ABITRAM: variants seen among roughly 807,000 people sequenced by gnomAD.
ABITRAM encodes the protein protein Abitram.
In ABITRAM, 19 loss-of-function variants were observed where a neutral mutation model predicts 22.9. That is an observed-to-expected ratio of 0.83 (90% CI 0.58 to 1.22). The LOEUF (loss-of-function observed/expected upper bound fraction) is 1.22, where lower values mean the gene tolerates loss of function less well. Ranked by LOEUF, ABITRAM falls within the 50% of genes most tolerant of loss-of-function variation. ABITRAM has a pLI of 0.00. For synonymous variants in ABITRAM, 70 were observed against 73.9 expected (o/e 0.95, Z 0.27); for missense variants, 215 against 220.2 (o/e 0.98, Z 0.15).
intron 3 of ABITRAM, chr9:108,948,055 G>A: frequency 2.9e-6 from 3 of 1,043,462 alleles, no homozygotes; most frequent in East Asian, 5.6e-5. Flanking sequence ...CTTTTCTACT[G>A]CTCTCTGTAA....
chr9:108,948,333 C>G, intron 3 of ABITRAM: 3 of 1,158,442 alleles, frequency 2.6e-6, no homozygotes, highest in Non-Finnish European at 3.6e-6. Flanking sequence ...ATTAACAAAT[C>G]CTAAATTTTG....
intron 3 of ABITRAM, chr9:108,948,159 C>T (rs1587941890): frequency 6.2e-7 from 1 of 1,608,334 alleles, no homozygotes; most frequent in South Asian, 1.1e-5. Context: ...AATTAAAGTA[C>T]TAGCATAAAA....
chr9:108,943,186 GCTGA>G, downstream of ABITRAM: 1 of 764,084 alleles, frequency 1.3e-6, no homozygotes, highest in Non-Finnish European at 2.1e-6. Flanking sequence ...AGGCACATGA[GCTGA>G]CTCAAAGCCC....
chr9:108,939,511 TC>T (rs759021806), intron 5 of ABITRAM, 37 bp from the exon 6 acceptor site: 1 of 1,604,920 alleles, frequency 6.2e-7, no homozygotes, highest in East Asian at 2.2e-5. Flanking sequence ...GGTTTTTTTT[TC>T]ATCGTTTGAC....
At chr9:108,939,311 G>A (rs1830228213) in intron 4 of ABITRAM, 39 bp downstream of exon 4, 2 of 1,594,046 alleles carry the variant, frequency 1.3e-6, no homozygotes, top group Non-Finnish European at 1.7e-6. Context: ...AGACCAAAGG[G>A]AGGTAATTTT....
chr9:108,944,635 A>C (rs1830347474), downstream of ABITRAM, among the ~76,000 whole-genome samples: 1 of 152,212 alleles, frequency 6.6e-6, no homozygotes, highest in South Asian at 2.1e-4. Flanking sequence ...AGTATTTAGC[A>C]TATTATGTTA....
At position 108,939,410 on chromosome 9, in the gene ABITRAM, G is replaced by A. The variant is rs1281178026; in HGVS notation, c.364G>A (p.Val122Met). The change falls in exon 5 of 6, where the codon GTG (valine) becomes ATG (methionine). Residue 122 changes from valine to methionine, a missense_variant. Physicochemically the swap from Val to Met is conservative, Grantham distance 21. Transcript: ENST00000322940. ...TTGTGTTAGAGGACGTTTGATGGAA[G>A]TGAATGAAAACATCCTCCATAAGCC... ...SSCVRGRLME[V>M]NENILHKPSI... 1.9e-6 allele frequency: 3 copies of A among 1,610,636 alleles called. No individual in the cohort carries two copies. Among genetic ancestry groups the A allele is most frequent in the Non-Finnish European group, 2.5e-6 (3 of 1,179,180 alleles).
At chr9:108,942,858 T>C, downstream of ABITRAM, 2 of 1,613,142 alleles carry the variant, frequency 1.2e-6, no homozygotes, top group African/African-American at 1.3e-5. Context: ...AGACAATTAG[T>C]ATCTGGTTTC....
intron 3 of ABITRAM, among the ~76,000 whole-genome samples, chr9:108,937,730 G>A (rs879293387): frequency 6.6e-6 from 1 of 152,034 alleles, no homozygotes; most frequent in Non-Finnish European, 1.5e-5. Context: ...GCTCATGCCT[G>A]TAATCCCAGC....
intron 1 of ABITRAM, 111 bp downstream of exon 1, chr9:108,934,676 G>T (rs1277301783): frequency 9.8e-7 from 1 of 1,024,196 alleles, no homozygotes; most frequent in Non-Finnish European, 1.4e-6. Flanking sequence ...CCGTCCCCAC[G>T]TCAGAAGGCA....
intron 3 of ABITRAM, among the ~76,000 whole-genome samples, chr9:108,949,578 T>C (rs1177201503): frequency 4.6e-5 from 7 of 152,144 alleles, no homozygotes; most frequent in Admixed American, 2.6e-4. Context: ...GTGTGGTGGC[T>C]AACGCCTGTA....
At chr9:108,938,690 A>AGGG (rs67863314) in intron 3 of ABITRAM, among the ~76,000 whole-genome samples, 2 of 111,786 alleles carry the variant, frequency 1.8e-5, no homozygotes, top group Admixed American at 9.9e-5. Flanking sequence ...GGAATTACAA[A>AGGG]GGGGGGGGGG....
chr9:108,948,325 T>A, intron 3 of ABITRAM: 1 of 1,195,380 alleles, frequency 8.4e-7, no homozygotes, highest in Non-Finnish European at 1.2e-6. Flanking sequence ...ATTTGTGTAT[T>A]AACAAATCCT....
At chr9:108,949,027 A>G (rs1166885821) in intron 3 of ABITRAM, among the ~76,000 whole-genome samples, 2 of 152,216 alleles carry the variant, frequency 1.3e-5, no homozygotes, top group East Asian at 1.9e-4. Flanking sequence ...TTGAAAAACT[A>G]TAAGGCACTA....
At chr9:108,943,882 AT>A, downstream of ABITRAM, 1 of 1,599,702 alleles carries the variant, frequency 6.3e-7, no homozygotes, top group Non-Finnish European at 8.5e-7. Context: ...CCTTAAACAC[AT>A]TTATACATTG....
downstream of ABITRAM, chr9:108,942,821 T>C (rs777841484): frequency 1.4e-5 from 22 of 1,613,696 alleles, no homozygotes; most frequent in Admixed American, 1.3e-4. Flanking sequence ...CCATCCGTTA[T>C]TTTCCATCTG....
downstream of ABITRAM, among the ~76,000 whole-genome samples, chr9:108,941,902 A>G (rs1365677723): frequency 6.6e-6 from 1 of 152,220 alleles, no homozygotes; most frequent in Non-Finnish European, 1.5e-5. Flanking sequence ...CCTAAATTAA[A>G]AAGACTAAAG....
At chr9:108,937,041 T>C (rs1169281718) in intron 3 of ABITRAM, among the ~76,000 whole-genome samples, 2 of 152,080 alleles carry the variant, frequency 1.3e-5, no homozygotes, top group Non-Finnish European at 2.9e-5. Flanking sequence ...GCACCTGTAA[T>C]CCCAGCCACT....
In ABITRAM at chr9:108,938,445, C is replaced by T. The variant is rs540595723; in HGVS notation, c.262-751C>T. Among the ~76,000 whole-genome samples, 6 of 152,228 alleles carry T rather than the reference C, an allele frequency of 3.9e-5. No individual in the cohort carries two copies. The South Asian group carries it at 1.2e-3, about 32-fold the overall frequency. On this transcript the variant is annotated intron_variant, in intron 3 of 5. Coordinates refer to ENST00000322940, the MANE Select transcript of ABITRAM (RefSeq NM_017832.4). ...ACATGCCTGCACTGGCTCTCATGAG[C>T]CTCCCTGTAGATACTTGTGAGAGCC... is the stretch of plus-strand genomic sequence containing the variant.
Sources: allele counts gnomAD v4.1 joint callset (sites outside exome capture counted in the v4.1 genomes callset), GRCh38; gene constraint gnomAD v4.1.1; transcripts MANE v1.5; gene names NCBI Gene and HGNC (gene_info 2026-07-23, HGNC 2026-07-21).